ZNF638: variants seen among roughly 807,000 people sequenced by gnomAD.
ZNF638 encodes the protein CTCL tumor antigen se33-1.
A neutral mutation model predicts 195.6 loss-of-function variants in ZNF638; 46 were observed. The ratio of observed to expected loss-of-function variants is 0.24; its 90% CI spans 0.19 to 0.30. The LOEUF (loss-of-function observed/expected upper bound fraction) is 0.30. Ranked by LOEUF, ZNF638 falls within the 10% of genes least tolerant of loss-of-function variation. The probability of loss-of-function intolerance (pLI) is 1.00; values close to 1 mark genes in which losing one functional copy is unlikely to be tolerated. For missense variants in ZNF638, 2,440 were observed against 2,325.3 expected (o/e 1.05, Z -1.01); for synonymous variants, 845 against 772.0 (o/e 1.09, Z -1.57).
At chr2:71,367,465 G>T (rs368835388) in intron 6 of ZNF638, among the ~76,000 whole-genome samples, 1 of 133,288 alleles carries the variant, frequency 7.5e-6, no homozygotes, top group East Asian at 2.2e-4. Flanking sequence ...TCAGAGTCTC[G>T]CTCTGTCACC....
At chr2:71,344,814 C>T (rs1309109290) in intron 1 of ZNF638, among the ~76,000 whole-genome samples, 1 of 152,092 alleles carries the variant, frequency 6.6e-6, no homozygotes, top group African/African-American at 2.4e-5. Flanking sequence ...ACTATAATAC[C>T]TTATAAATAG....
Position 71,350,254 on chromosome 2 carries a change from G to C in ZNF638, c.1300G>C (p.Glu434Gln). 1.9e-6 allele frequency: 3 copies of C among 1,600,586 alleles called. No homozygotes were observed. The highest frequency in any genetic ancestry group is 2.5e-6 in the Non-Finnish European group (3 of 1,179,232). Residue 434 changes from glutamate to glutamine, a missense_variant, in exon 2 of 28, where the codon GAA (glutamate) becomes CAA (glutamine). Physicochemically the swap from Glu to Gln is conservative, Grantham distance 29. Transcript: ENST00000264447. ...FPHLCSLCNV[E>Q]CSHLKDWIQH... is the part of the protein sequence containing the mutation. ...ACATTTGTGTTCTCTGTGTAACGTAGAATGTAGTCATTTGAAGGTGAGTGT... is the reference window on the plus strand; with the variant it reads ...ACATTTGTGTTCTCTGTGTAACGTACAATGTAGTCATTTGAAGGTGAGTGT...
chr2:71,369,371 G>A (rs2079267021), intron 7 of ZNF638, among the ~76,000 whole-genome samples: 1 of 151,764 alleles, frequency 6.6e-6, no homozygotes, highest in South Asian at 2.1e-4. Flanking sequence ...GGGTGTGGTG[G>A]CTGAAGTCTG....
intron 22 of ZNF638, 70 bp downstream of exon 22, chr2:71,424,108 TAGG>T (rs1573167519): frequency 1.1e-5 from 17 of 1,523,990 alleles, no homozygotes; most frequent in South Asian, 2.6e-5. Context: ...AGCTATGTAG[TAGG>T]AGATGTAATT....
intron 8 of ZNF638, among the ~76,000 whole-genome samples, chr2:71,370,357 A>G (rs1479479659): frequency 6.6e-6 from 1 of 152,156 alleles, no homozygotes; most frequent in Non-Finnish European, 1.5e-5. Flanking sequence ...TCACAAGTAA[A>G]CACTAACTTG....
At chr2:71,425,567 A>G (rs529760904) in intron 23 of ZNF638, among the ~76,000 whole-genome samples, 2 of 152,324 alleles carry the variant, frequency 1.3e-5, no homozygotes, top group East Asian at 3.9e-4. Context: ...ATTTTTAAAA[A>G]TTACAGATAC....
chr2:71,366,165 C>T (rs920459159), intron 6 of ZNF638, among the ~76,000 whole-genome samples: 5 of 152,168 alleles, frequency 3.3e-5, no homozygotes, highest in Admixed American at 2.6e-4. Flanking sequence ...GCCAGAGCTA[C>T]GTGGTGGAAC....
intron 10 of ZNF638, among the ~76,000 whole-genome samples, chr2:71,384,764 A>G (rs2079604529): frequency 6.6e-6 from 1 of 152,146 alleles, no homozygotes; most frequent in Non-Finnish European, 1.5e-5. Flanking sequence ...TTCAGTTCCC[A>G]GCTGAAAATG....
intron 1 of ZNF638, among the ~76,000 whole-genome samples, chr2:71,340,221 C>G (rs1407720236): frequency 6.6e-6 from 1 of 152,084 alleles, no homozygotes; most frequent in Non-Finnish European, 1.5e-5. Context: ...TTTTTGCTTT[C>G]TGTTTCATTG....
At chr2:71,341,073 T>C (rs1184473498) in intron 1 of ZNF638, among the ~76,000 whole-genome samples, 1 of 152,222 alleles carries the variant, frequency 6.6e-6, no homozygotes. Context: ...TCTGAAAGAC[T>C]GCATCAAAAT....
At position 71,406,869 on chromosome 2, in the gene ZNF638, G is replaced by A. The variant is rs374029952; in HGVS notation, c.3135+607G>A. 6.6e-5 allele frequency among the ~76,000 whole-genome samples: 10 copies of A among 152,122 alleles called. No homozygotes were observed. In the East Asian group the frequency reaches 1.5e-3, roughly 24 times the overall value. ...TTAAAAATTAGCTGGGCATGGTGAC[G>A]TGTGCCTCTGGTCCCAGCTGCCTGG... On this transcript the variant is annotated intron_variant, in intron 19 of 27. Transcript: ENST00000264447.
intron 25 of ZNF638, chr2:71,431,108 T>C (rs1041590773): frequency 1.4e-5 from 6 of 421,374 alleles, no homozygotes; most frequent in Middle Eastern, 6.8e-4. Context: ...TAAAATTTGC[T>C]GTTAGCTTTA....
At position 71,365,355 on chromosome 2, in the gene ZNF638, A is replaced by G. The variant is rs938583460; in HGVS notation, c.1718-74A>G. ...CCCTGTTTAGCTTGAGAATAGCACT[A>G]TGTGATTATGTCATGAGATGGCTCC... is the stretch of plus-strand genomic sequence containing the variant. On this transcript the variant is annotated intron_variant, in intron 5 of 27. Coordinates refer to ENST00000264447, the MANE Select transcript of ZNF638 (RefSeq NM_014497.5). The G allele has an allele frequency of 1.6e-5, 20 of 1,221,052 alleles. No individual in the cohort carries two copies. In the East Asian group the frequency reaches 3.6e-4, roughly 22 times the overall value. 75.6% of individuals were successfully genotyped at this position (1,221,052 alleles called of 1,614,324 possible).
chr2:71,425,974 A>G (rs964669478), intron 23 of ZNF638, among the ~76,000 whole-genome samples: 2 of 152,164 alleles, frequency 1.3e-5, no homozygotes, highest in African/African-American at 4.8e-5. Context: ...TAAAATATGT[A>G]TTCTATATAT....
rs2080502424 is a variant in ZNF638 at position 71,424,729 on chromosome 2, C to G, written c.4590+14C>G. 6.2e-7 allele frequency: 1 copy of G among 1,602,470 alleles called. No individual in the cohort carries two copies. The highest frequency in any genetic ancestry group is 1.3e-5 in the African/African-American group (1 of 74,680). The stretch of plus-strand genomic sequence containing the variant: ...AAATCTAAAGAGGTAAAAAATAGAT[C>G]ACAGACCCTAACCCTTCTTTTTCAT... On this transcript the variant is annotated intron_variant, in intron 23 of 27. Transcript: ENST00000264447.
At chr2:71,395,188 T>C (rs75223554) in intron 10 of ZNF638, 11,274 of 716,568 alleles carry the variant, frequency 0.016, 154 homozygotes, top group African/African-American at 0.041. Flanking sequence ...CACTCCTTGA[T>C]TGGAAAAAAA....
Position 71,349,431 on chromosome 2 carries a change from C to A in ZNF638, c.477C>A (p.Arg159=). The A allele has an allele frequency of 6.2e-7, 1 of 1,614,124 alleles. No individual in the cohort carries two copies. Residue 159 remains arginine, a synonymous_variant, in exon 2 of 28, where the codon CGC becomes CGA. Coordinates refer to ENST00000264447, the MANE Select transcript of ZNF638 (RefSeq NM_014497.5). ...ATGAAGACCTAGAAGAACTTAGTCGCTATCCTGATGAACAACTAACTCCTG... is the reference window on the plus strand; with the variant it reads ...ATGAAGACCTAGAAGAACTTAGTCGATATCCTGATGAACAACTAACTCCTG... ...LSNEDLEELS[R]YPDEQLTPEN... is the part of the protein sequence containing the mutation.
At chr2:71,400,440 G>A in intron 14 of ZNF638, 38 bp from the exon 15 acceptor site, 1 of 1,579,130 alleles carries the variant, frequency 6.3e-7, no homozygotes, top group Non-Finnish European at 8.6e-7. Flanking sequence ...ATCTTGATAA[G>A]TATGTCTGCA....
chr2:71,335,298 G>A (rs7563546), intron 1 of ZNF638, among the ~76,000 whole-genome samples: 39,950 of 151,964 alleles, frequency 0.26, 6,908 homozygotes, highest in African/African-American at 0.49. Flanking sequence ...ACCTTAACCC[G>A]CCTAAATTGC....
Sources: allele counts gnomAD v4.1 joint callset (sites outside exome capture counted in the v4.1 genomes callset), GRCh38; gene constraint gnomAD v4.1.1; transcripts MANE v1.5; gene names NCBI Gene and HGNC (gene_info 2026-07-23, HGNC 2026-07-21).